Variants in KCNK9 observed in about 807,000 individuals in gnomAD.
The protein encoded by KCNK9 is potassium channel subfamily K member 9.
In KCNK9, 1 loss-of-function variant was observed where a neutral mutation model predicts 10.8. That is an observed-to-expected ratio of 0.09 (90% confidence interval 0.03 to 0.44). The LOEUF (loss-of-function observed/expected upper bound fraction) is 0.44. Ranked by LOEUF, KCNK9 falls within the 20% of genes least tolerant of loss-of-function variation. The probability of loss-of-function intolerance (pLI) is 0.97; values close to 1 mark genes in which losing one functional copy is unlikely to be tolerated. For missense variants in KCNK9, 303 were observed against 515.0 expected (o/e 0.59, Z 3.98); for synonymous variants, 231 against 222.7 (o/e 1.04, Z -0.33).
chr8:139,687,824 A>C (rs80048368), intron 1 of KCNK9, among the ~76,000 whole-genome samples: 150 of 151,488 alleles, frequency 9.9e-4, no homozygotes, highest in Non-Finnish European at 1.6e-3. Flanking sequence ...CCACTTCTCC[A>C]TGTGATTCAG....
rs1296327346 is a variant in KCNK9, at chr8:139,702,400, T to A, written c.283+310A>T. 6.6e-6 allele frequency among the ~76,000 whole-genome samples: 1 copy of A among 151,638 alleles called. No homozygotes were observed. The highest frequency in any genetic ancestry group is 2.4e-5 in the African/African-American group (1 of 41,248). On this transcript the variant is annotated intron_variant, in intron 1 of 1. Coordinates refer to ENST00000520439, the MANE Select transcript of KCNK9 (RefSeq NM_001282534.2). This position sits in a 1 kb window ranked among gnomAD's most constrained non-coding sequence, Gnocchi z 7.5. ...GGGTGGGTGTCTGCTATGGGATTAT[T>A]CTTAGCGCTCCACTCTCTTCGCAAA...
chr8:139,665,967 C>T (rs1421520213), intron 1 of KCNK9, among the ~76,000 whole-genome samples: 1 of 152,224 alleles, frequency 6.6e-6, no homozygotes, highest in Non-Finnish European at 1.5e-5. Flanking sequence ...CAACACCCGC[C>T]ACACAGCACA....
intron 1 of KCNK9, among the ~76,000 whole-genome samples, chr8:139,683,417 G>A (rs1451390752): frequency 1.3e-5 from 2 of 152,166 alleles, no homozygotes; most frequent in Non-Finnish European, 2.9e-5. Flanking sequence ...CTCCTCTTCT[G>A]ATTCTTTTAT....
intron 1 of KCNK9, among the ~76,000 whole-genome samples, chr8:139,634,814 A>G (rs1815289283): frequency 6.6e-6 from 1 of 152,156 alleles, no homozygotes; most frequent in Non-Finnish European, 1.5e-5. Flanking sequence ...GGAGGAAGAC[A>G]ACAGCCATCA....
intron 1 of KCNK9, among the ~76,000 whole-genome samples, chr8:139,657,520 C>T (rs999130187): frequency 2.0e-5 from 3 of 152,072 alleles, no homozygotes; most frequent in African/African-American, 7.2e-5. Flanking sequence ...TCATCCTGCC[C>T]TGTGAGCTTC....
chr8:139,645,866 GC>G (rs1299044024), intron 1 of KCNK9, among the ~76,000 whole-genome samples: 1 of 152,164 alleles, frequency 6.6e-6, no homozygotes. Context: ...AGCTTCCCAA[GC>G]CTCAGACCAG....
At chr8:139,681,990 C>G (rs1466045120) in intron 1 of KCNK9, among the ~76,000 whole-genome samples, 2 of 152,156 alleles carry the variant, frequency 1.3e-5, no homozygotes, top group Non-Finnish European at 2.9e-5. Flanking sequence ...GGGAACCAGA[C>G]CAGGCCCTGC....
intron 1 of KCNK9, among the ~76,000 whole-genome samples, chr8:139,666,832 T>G (rs1459045208): frequency 6.6e-6 from 1 of 152,260 alleles, no homozygotes; most frequent in Non-Finnish European, 1.5e-5. Context: ...ATCCATTTTT[T>G]CAGCCTTAAG....
At chr8:139,639,863 C>T (rs567138471) in intron 1 of KCNK9, among the ~76,000 whole-genome samples, 1 of 152,346 alleles carries the variant, frequency 6.6e-6, no homozygotes, top group African/African-American at 2.4e-5. Flanking sequence ...CACAGCTGGC[C>T]CTTAACCTCT....
At position 139,618,796 on chromosome 8, in the gene KCNK9, G is replaced by T. The variant is rs752611105; in HGVS notation, c.587C>A (p.Thr196Lys). 1 of 1,614,218 alleles carries T rather than the reference G, an allele frequency of 6.2e-7. No homozygotes were observed. The highest frequency in any genetic ancestry group is 1.7e-5 in the Admixed American group (1 of 60,034). Residue 196 changes from threonine to lysine, a missense_variant, in exon 2 of 2, where the codon ACG becomes AAG. By Grantham distance (78) the Thr-to-Lys change is moderately conservative. This residue lies in a region of KCNK9 where 53 missense variants were observed against 134.9 expected (regional missense o/e 0.39). Coordinates refer to ENST00000520439, the MANE Select transcript of KCNK9 (RefSeq NM_001282534.2). This position sits in a 1 kb window ranked among gnomAD's most constrained non-coding sequence, Gnocchi z 7.9. ...FFHAYYYCFI[T>K]LTTIGFGDYV... Reference sequence around the variant, plus strand: ...GTCCCCGAACCCAATGGTAGTCAACGTGATGAAGCAGTAGTAGTAGGCGTG... The same window carrying T: ...GTCCCCGAACCCAATGGTAGTCAACTTGATGAAGCAGTAGTAGTAGGCGTG...
rs76080978 is a variant in KCNK9 at position 139,630,490 on chromosome 8, G to A, written c.284-11391C>T. Among the ~76,000 whole-genome samples the A allele has an allele frequency of 4.3e-3, 658 of 152,264 alleles. 5 individuals are homozygous for A. The highest frequency in any genetic ancestry group is 0.014 in the African/African-American group (599 of 41,570). On this transcript the variant is annotated intron_variant, in intron 1 of 1. Transcript: ENST00000520439. The stretch of plus-strand genomic sequence containing the variant: ...GAGCCACACAGCAGCAACATCCGAC[G>A]CTCGCTGGTCCCACTTAGCCACCCA...
chr8:139,616,054 A>T (rs116178553), downstream of KCNK9: 24 of 152,284 alleles, frequency 1.6e-4, no homozygotes, highest in African/African-American at 5.8e-4. Flanking sequence ...CACCTGTCTC[A>T]GTTCTGTCAA....
intron 2 of KCNK9, among the ~76,000 whole-genome samples, chr8:139,601,819 G>A (rs1817377121): frequency 6.6e-6 from 1 of 152,158 alleles, no homozygotes; most frequent in Non-Finnish European, 1.5e-5. Flanking sequence ...GGAAGATGAT[G>A]TCAGCCAGTC....
chr8:139,667,883 T>TA lies in KCNK9; in HGVS notation c.283+34826dup, dbSNP rs4058468. 1.7e-3 allele frequency among the ~76,000 whole-genome samples: 251 copies of TA among 146,422 alleles called. 1 individual carries two copies. Among genetic ancestry groups the TA allele is most frequent in the African/African-American group, 5.5e-3 (218 of 39,696 alleles). On this transcript the variant is annotated intron_variant, in intron 1 of 1. Coordinates refer to ENST00000520439, the MANE Select transcript of KCNK9 (RefSeq NM_001282534.2). ...GCGACAGAGCAAGACTCCGTCTTAA[T>TA]AAAAAAAAAAAAAAAGATTCCATTG...
intron 1 of KCNK9, among the ~76,000 whole-genome samples, chr8:139,630,307 A>T (rs1357574693): frequency 1.3e-5 from 2 of 152,156 alleles, no homozygotes; most frequent in Admixed American, 1.3e-4. Context: ...GGTGGAGGCG[A>T]GGCTTTGTGG....
intron 1 of KCNK9, among the ~76,000 whole-genome samples, chr8:139,647,465 A>G (rs990983358): frequency 3.3e-5 from 5 of 152,220 alleles, no homozygotes; most frequent in African/African-American, 7.2e-5. Context: ...GAGACAGTGC[A>G]TGCCCAGCAT....
chr8:139,623,696 C>T (rs1406480825), intron 1 of KCNK9, among the ~76,000 whole-genome samples: 1 of 152,140 alleles, frequency 6.6e-6, no homozygotes, highest in Admixed American at 6.5e-5. Context: ...GTGACCTTCT[C>T]CATCTCTGAG....
At chr8:139,696,875 AGGTG>A (rs894469326) in intron 1 of KCNK9, among the ~76,000 whole-genome samples, 15 of 131,372 alleles carry the variant, frequency 1.1e-4, no homozygotes, top group Non-Finnish European at 2.1e-4. Flanking sequence ...GTAGATGGGT[AGGTG>A]GATGGATGGG....
intron 1 of KCNK9, among the ~76,000 whole-genome samples, chr8:139,700,558 ACACAC>A (rs1817193068): frequency 6.6e-6 from 1 of 151,360 alleles, no homozygotes. Flanking sequence ...ACACACACAC[ACACAC>A]ATTTTTTTCC....
Sources: gnomAD v4.1 joint callset for allele counts (sites outside exome capture counted in the v4.1 genomes callset) on GRCh38, gnomAD v4.1.1 for gene constraint, gnomAD v4.1.1 regional missense constraint, Gnocchi (gnomAD v3.1) non-coding constraint, MANE v1.5 for transcripts, NCBI Gene and HGNC (gene_info 2026-07-23, HGNC 2026-07-21) for gene names.